PINX1: variants seen among roughly 807,000 people sequenced by gnomAD.
PINX1 encodes the protein PIN2/TERF1-interacting telomerase inhibitor 1.
A neutral mutation model predicts 25.4 loss-of-function variants in PINX1; 34 were observed. The observed-to-expected ratio is 1.34, with a 90% CI of 1.02 to 1.78. The LOEUF is 1.78. Among genes scored for constraint, PINX1 ranks in the 40% most tolerant of loss-of-function variants. The pLI is 0.00. For synonymous variants in PINX1, 197 were observed against 147.7 expected (o/e 1.33, Z -2.42); for missense variants, 592 against 404.9 (o/e 1.46, Z -3.97).
chr8:10,822,294 C>T (rs1357222273), intron 5 of PINX1, among the ~76,000 whole-genome samples: 1 of 152,074 alleles, frequency 6.6e-6, no homozygotes, highest in Non-Finnish European at 1.5e-5. Context: ...TGAATAAATA[C>T]GACAAATTTA....
chr8:10,796,872 A>C (rs1330048679), intron 6 of PINX1, among the ~76,000 whole-genome samples: 1 of 152,096 alleles, frequency 6.6e-6, no homozygotes, highest in Non-Finnish European at 1.5e-5. Context: ...TGTGTTTCCC[A>C]AATGTATCTG....
chr8:10,794,731 G>T (rs1802034024), intron 6 of PINX1, among the ~76,000 whole-genome samples: 1 of 152,186 alleles, frequency 6.6e-6, no homozygotes, highest in African/African-American at 2.4e-5. Flanking sequence ...CTCAGCTGCT[G>T]TTACTACTTT....
At chr8:10,807,369 G>A (rs935827724) in intron 6 of PINX1, among the ~76,000 whole-genome samples, 3 of 115,058 alleles carry the variant, frequency 2.6e-5, no homozygotes, top group Non-Finnish European at 4.8e-5. Flanking sequence ...CAGTAAAATT[G>A]GAGACAAAAG....
chr8:10,819,206 T>A (rs190994976), intron 6 of PINX1, among the ~76,000 whole-genome samples: 18 of 152,346 alleles, frequency 1.2e-4, no homozygotes, highest in Admixed American at 1.1e-3. Context: ...GCACAGGGAA[T>A]CATCTAATGA....
intron 6 of PINX1, among the ~76,000 whole-genome samples, chr8:10,794,796 T>G (rs1003870145): frequency 1.3e-5 from 2 of 152,158 alleles, no homozygotes; most frequent in Non-Finnish European, 2.9e-5. Context: ...AAAACTAAAA[T>G]CCGAGTGCAT....
Position 10,765,723 on chromosome 8 carries a change from T to A in PINX1, c.665A>T (p.Lys222Ile). The part of the protein sequence containing the change: ...GKKRNKEATG[K>I]DVESYLQPKA... ...AGGCTGGAGGTAACTTTCCACATCT[T>A]TACCTGTGGCCTCTTTATTTCTTTT... Residue 222 changes from lysine (K) to isoleucine (I), a missense_variant, in exon 7 of 7, where the codon AAA becomes ATA. By Grantham distance (102) the Lys-to-Ile change is moderately radical (BLOSUM62 -3). Transcript: ENST00000314787. 6.2e-7 allele frequency: 1 copy of A among 1,613,964 alleles called. No individual in the cohort carries two copies. The highest frequency in any genetic ancestry group is 8.5e-7 in the Non-Finnish European group (1 of 1,179,850).
At chr8:10,838,522 G>A (rs73662643) in intron 1 of PINX1, among the ~76,000 whole-genome samples, 2,680 of 152,234 alleles carry the variant, frequency 0.018, 95 homozygotes, top group African/African-American at 0.061. Flanking sequence ...AGATTTTGTG[G>A]CCTCACAAAC....
intron 6 of PINX1, among the ~76,000 whole-genome samples, chr8:10,779,361 T>C (rs1187668014): frequency 5.3e-5 from 8 of 152,082 alleles, no homozygotes; most frequent in African/African-American, 1.9e-4. Flanking sequence ...CAAAATCAAA[T>C]TCAAAAAAGC....
intron 6 of PINX1, among the ~76,000 whole-genome samples, chr8:10,768,201 G>A (rs1448346783): frequency 6.6e-6 from 1 of 152,186 alleles, no homozygotes; most frequent in East Asian, 1.9e-4. Flanking sequence ...TGCAACAGAA[G>A]TCTCACTGAC....
chr8:10,776,725 G>A (rs1450464329), intron 6 of PINX1, among the ~76,000 whole-genome samples: 1 of 152,096 alleles, frequency 6.6e-6, no homozygotes, highest in Non-Finnish European at 1.5e-5. Context: ...CACGAGGAAG[G>A]GGAAGCAAGG....
intron 5 of PINX1, among the ~76,000 whole-genome samples, chr8:10,823,641 G>A (rs575518078): frequency 2.2e-4 from 33 of 152,090 alleles, no homozygotes; most frequent in Non-Finnish European, 2.1e-4. Context: ...CAGGACCAGG[G>A]AAAGGAATAA....
intron 6 of PINX1, among the ~76,000 whole-genome samples, chr8:10,798,074 G>C (rs1426053444): frequency 6.6e-6 from 1 of 152,212 alleles, no homozygotes; most frequent in Non-Finnish European, 1.5e-5. Context: ...TAGACGGGGA[G>C]ACAGATTCCA....
chr8:10,801,301 T>C (rs1390855185), intron 6 of PINX1, among the ~76,000 whole-genome samples: 1 of 152,264 alleles, frequency 6.6e-6, no homozygotes, highest in Non-Finnish European at 1.5e-5. Flanking sequence ...GAGAGGATGA[T>C]GGTGCCCCAG....
intron 3 of PINX1, 123 bp downstream of exon 3, chr8:10,832,769 G>C (rs547716904): frequency 5.1e-6 from 3 of 583,108 alleles, no homozygotes; most frequent in East Asian, 3.0e-5. Context: ...TGTTCAAGAG[G>C]AAACGTGAAT....
chr8:10,776,228 C>T (rs953618693), intron 6 of PINX1, among the ~76,000 whole-genome samples: 1 of 152,062 alleles, frequency 6.6e-6, no homozygotes, highest in African/African-American at 2.4e-5. Context: ...GAGTTCGAGA[C>T]CAGCCTGGCC....
intron 6 of PINX1, among the ~76,000 whole-genome samples, chr8:10,768,077 A>C (rs7834937): frequency 0.14 from 8,803 of 61,972 alleles, 228 homozygotes; most frequent in Middle Eastern, 0.22. Flanking sequence ...CACAGCCACA[A>C]AGAGACAGGC....
intron 6 of PINX1, among the ~76,000 whole-genome samples, chr8:10,789,371 G>T (rs1052475769): frequency 1.3e-5 from 2 of 152,188 alleles, no homozygotes; most frequent in Non-Finnish European, 2.9e-5. Flanking sequence ...ATAGCAAAAT[G>T]ATCCCCACAG....
intron 4 of PINX1, among the ~76,000 whole-genome samples, chr8:10,826,673 A>G (rs7829201): frequency 0.43 from 65,888 of 152,118 alleles, 16,045 homozygotes; most frequent in African/African-American, 0.66. Flanking sequence ...ACTCCACAGT[A>G]AAGAGCGGCG....
intron 6 of PINX1, among the ~76,000 whole-genome samples, chr8:10,794,716 C>G (rs1167251796): frequency 6.6e-6 from 1 of 152,228 alleles, no homozygotes; most frequent in Non-Finnish European, 1.5e-5. Flanking sequence ...GCATGAGCCA[C>G]TGCGCTCAGC....
Sources: gnomAD v4.1 joint callset for allele counts (sites outside exome capture counted in the v4.1 genomes callset) on GRCh38, gnomAD v4.1.1 for gene constraint, MANE v1.5 for transcripts, NCBI Gene and HGNC (gene_info 2026-07-23, HGNC 2026-07-21) for gene names.